Variants in SLC12A1 observed in about 807,000 individuals in gnomAD.
The protein encoded by SLC12A1 is solute carrier family 12 member 1, also known as Na-K-2Cl cotransporter.
In SLC12A1, 89 loss-of-function variants were observed where a neutral mutation model predicts 130.4. That is an observed-to-expected ratio of 0.68 (90% CI 0.58 to 0.81). The LOEUF is 0.81. Ranked by LOEUF, SLC12A1 falls within the 40% of genes least tolerant of loss-of-function variation. SLC12A1 has a pLI of 0.00. For missense variants in SLC12A1, 1,310 were observed against 1,336.4 expected, an observed-to-expected ratio of 0.98 and a Z score of 0.31; for synonymous variants, 499 against 460.0, an observed-to-expected ratio of 1.08 and a Z score of -1.09.
Position 48,229,350 on chromosome 15 carries a change from T to C in SLC12A1, c.864+22T>C, listed in dbSNP as rs777204083. The C allele has an allele frequency of 1.4e-5, 22 of 1,571,716 alleles. No homozygotes were observed. In the South Asian group the frequency reaches 2.6e-4, roughly 18 times the overall value. ...TAAGGTAATTAAAAGCTTTTCTTTT[T>C]TTCTGCCAAGCAGCATAATTTAGTT... On this transcript the variant is annotated intron_variant, in intron 6 of 26. Transcript: ENST00000380993.
At chr15:48,254,879 G>A (rs939990369) in intron 15 of SLC12A1, among the ~76,000 whole-genome samples, 2 of 151,928 alleles carry the variant, frequency 1.3e-5, no homozygotes, top group Non-Finnish European at 2.9e-5. Flanking sequence ...AGCCCAGATC[G>A]CGCCACTGCA....
At chr15:48,210,311 A>T (rs982460577) in intron 2 of SLC12A1, among the ~76,000 whole-genome samples, 2 of 152,200 alleles carry the variant, frequency 1.3e-5, no homozygotes, top group Admixed American at 6.5e-5. Flanking sequence ...ACACATGATA[A>T]TTTTTAAATC....
intron 23 of SLC12A1, 23 bp from the exon 24 acceptor site, chr15:48,291,755 G>A (rs1258212783): frequency 1.4e-6 from 2 of 1,379,832 alleles, no homozygotes; most frequent in East Asian, 2.5e-5. Flanking sequence ...CAATGATGAA[G>A]TATTTTCCTT....
intron 15 of SLC12A1, among the ~76,000 whole-genome samples, chr15:48,252,171 C>T (rs990749720): frequency 3.9e-5 from 6 of 152,092 alleles, no homozygotes; most frequent in Non-Finnish European, 8.8e-5. Context: ...CCACTGCACT[C>T]CAACCTGGGC....
In SLC12A1 at chr15:48,259,213, G is replaced by A. The variant is rs1194661564; in HGVS notation, c.2056G>A (p.Val686Ile). The change falls in exon 17 of 27, where the codon GTC (valine) becomes ATC (isoleucine). Residue 686 changes from valine to isoleucine, a missense_variant. Physicochemically the swap from Val to Ile is conservative, Grantham distance 29. Coordinates refer to ENST00000380993, the MANE Select transcript of SLC12A1 (RefSeq NM_000338.3). ...TTTTACTTCCAGGCCCCAGTGCATT[G>A]TCTTAACAGGGGGACCCATGACAAG... ...HVKNFRPQCI[V>I]LTGGPMTRPA... The A allele has an allele frequency of 6.2e-7, 1 of 1,611,340 alleles. No individual in the cohort carries two copies. The highest frequency in any genetic ancestry group is 1.3e-5 in the African/African-American group (1 of 74,814).
At chr15:48,245,294 G>T (rs2041564654) in intron 11 of SLC12A1, among the ~76,000 whole-genome samples, 1 of 152,128 alleles carries the variant, frequency 6.6e-6, no homozygotes, top group Admixed American at 6.5e-5. Flanking sequence ...GTGCAGGTTT[G>T]TTACATGAGT....
At chr15:48,246,506 T>C (rs2041581671) in intron 11 of SLC12A1, among the ~76,000 whole-genome samples, 2 of 152,170 alleles carry the variant, frequency 1.3e-5, no homozygotes, top group African/African-American at 4.8e-5. Flanking sequence ...AATGGCCAAG[T>C]GCGGTGGCTC....
intron 20 of SLC12A1, among the ~76,000 whole-genome samples, chr15:48,275,258 T>C (rs564969118): frequency 6.6e-6 from 1 of 152,276 alleles, no homozygotes; most frequent in East Asian, 1.9e-4. Flanking sequence ...GCACAAGACA[T>C]GAATTCATGA....
In SLC12A1 at chr15:48,233,291, T is replaced by C. The variant is rs138469884; in HGVS notation, c.1087+453T>C. Among the ~76,000 whole-genome samples the C allele has an allele frequency of 6.5e-3, 984 of 152,312 alleles. 14 individuals carry two copies. The highest frequency in any genetic ancestry group is 0.023 in the African/African-American group (945 of 41,570). ...ACAATAAGAACTTCCTGAGGGAATT[T>C]TGAGAAACAAATAAGACAGTGGATG... On this transcript the variant is annotated intron_variant, in intron 8 of 26. Coordinates refer to ENST00000380993, the MANE Select transcript of SLC12A1 (RefSeq NM_000338.3).
chr15:48,229,302 G>A lies in SLC12A1; in HGVS notation c.838G>A (p.Ala280Thr). 6.2e-7 allele frequency: 1 copy of A among 1,604,076 alleles called. No individual in the cohort carries two copies. Among genetic ancestry groups the A allele is most frequent in the Non-Finnish European group, 8.5e-7 (1 of 1,174,840 alleles). ...TGTTGCTATGTATGTGGTGGGATTT[G>A]CTGAGACTGTAGTAGATCTTCTTAA... ...VAVAMYVVGF[A>T]ETVVDLLKES... The change falls in exon 6 of 27, where the codon GCT (alanine) becomes ACT (threonine). Residue 280 changes from alanine to threonine, a missense_variant. Coordinates refer to ENST00000380993, the MANE Select transcript of SLC12A1 (RefSeq NM_000338.3).
chr15:48,235,643 T>TA (rs2041431322), intron 9 of SLC12A1, among the ~76,000 whole-genome samples: 1 of 152,000 alleles, frequency 6.6e-6, no homozygotes, highest in African/African-American at 2.4e-5. Flanking sequence ...CTGATCTCTT[T>TA]AAAAAACAAA....
At chr15:48,249,864 C>A (rs1361903357) in intron 14 of SLC12A1, among the ~76,000 whole-genome samples, 188 bp downstream of exon 14, 1 of 152,144 alleles carries the variant, frequency 6.6e-6, no homozygotes, top group African/African-American at 2.4e-5. Context: ...ATCATTTGAG[C>A]AATGGCCTTT....
chr15:48,249,858 T>A (rs181564767), intron 14 of SLC12A1, among the ~76,000 whole-genome samples, 182 bp downstream of exon 14: 4 of 152,230 alleles, frequency 2.6e-5, no homozygotes, highest in Non-Finnish European at 5.9e-5. Context: ...AAAAGAATCA[T>A]TTGAGCAATG....
intron 4 of SLC12A1, chr15:48,223,250 C>A (rs573497021): frequency 1.6e-4 from 24 of 152,306 alleles, no homozygotes; most frequent in African/African-American, 5.8e-4. Context: ...TAAGAATTAT[C>A]TGGGAAGTTA....
intron 2 of SLC12A1, among the ~76,000 whole-genome samples, chr15:48,216,937 C>A (rs1287992689): frequency 1.3e-5 from 2 of 152,174 alleles, no homozygotes; most frequent in Non-Finnish European, 2.9e-5. Flanking sequence ...TAGACCTATG[C>A]TGTCCAATAT....
chr15:48,275,470 A>G (rs918702533), intron 20 of SLC12A1, among the ~76,000 whole-genome samples: 3 of 152,174 alleles, frequency 2.0e-5, no homozygotes, highest in African/African-American at 7.2e-5. Flanking sequence ...TAGCATTATA[A>G]TAGGTATAAA....
chr15:48,207,004 T>A (rs894317309), intron 1 of SLC12A1, among the ~76,000 whole-genome samples: 1 of 152,166 alleles, frequency 6.6e-6, no homozygotes, highest in African/African-American at 2.4e-5. Flanking sequence ...AAAACATAAT[T>A]TTTTACTTGT....
At chr15:48,229,441 T>C (rs1245928703) in intron 6 of SLC12A1, 113 bp downstream of exon 6, 6 of 1,036,938 alleles carry the variant, frequency 5.8e-6, no homozygotes, top group South Asian at 5.1e-5. Flanking sequence ...AAGTTAAATA[T>C]AGTGGAAGGA....
intron 5 of SLC12A1, chr15:48,227,019 G>A (rs1459699462): frequency 9.3e-7 from 1 of 1,073,204 alleles, no homozygotes; most frequent in South Asian, 1.4e-5. Context: ...GCTGCCTCCT[G>A]AAGTACTGGT....
Sources: gnomAD v4.1 joint callset for allele counts (sites outside exome capture counted in the v4.1 genomes callset) on GRCh38, gnomAD v4.1.1 for gene constraint, MANE v1.5 for transcripts, NCBI Gene and HGNC (gene_info 2026-07-23, HGNC 2026-07-21) for gene names.